Variants in NIPAL4 observed in about 807,000 individuals in gnomAD.
NIPAL4 encodes the protein NIPA like domain containing 4, also known as magnesium transporter NIPA4.
In NIPAL4, 21 loss-of-function variants were observed where a neutral mutation model predicts 31.6. The ratio of observed to expected loss-of-function variants is 0.67; its 90% CI spans 0.47 to 0.96. The LOEUF (loss-of-function observed/expected upper bound fraction) is 0.96. Among genes scored for constraint, NIPAL4 ranks in the 40% least tolerant of loss-of-function variants. The pLI, the probability that NIPAL4 is intolerant of heterozygous loss-of-function variation, is 0.00. For synonymous variants in NIPAL4, 175 were observed against 211.1 expected (o/e 0.83, Z 1.48); for missense variants, 438 against 508.0 (o/e 0.86, Z 1.32).
chr5:157,460,615 G>A (rs1238608099), intron 1 of NIPAL4: 4 of 652,508 alleles, frequency 6.1e-6, no homozygotes, highest in East Asian at 6.2e-5. Context: ...GGTTAGTGGG[G>A]GGCAGGCATT....
rs375377262 is a variant in NIPAL4, at chr5:157,472,896, A to G, written c.1151A>G (p.Asn384Ser). Residue 384 changes from asparagine (N) to serine (S), a missense_variant, in exon 6 of 6, where the codon AAT becomes AGT. By Grantham distance (46) the Asn-to-Ser change is conservative (BLOSUM62 1). Transcript: ENST00000311946. ...RLEDKNVLVD[N>S]IELASTSSPE... ...GAAGACAAGAACGTCCTTGTGGACA[A>G]TATAGAACTTGCCAGCACCTCATCA... 1 of 1,540,588 alleles carries G rather than the reference A, an allele frequency of 6.5e-7. No homozygotes were observed. The highest frequency in any genetic ancestry group is 1.4e-5 in the African/African-American group (1 of 72,740).
chr5:157,472,510 G>T lies in NIPAL4; in HGVS notation c.765G>T (p.Gly255=). The T allele has an allele frequency of 6.2e-7, 1 of 1,613,870 alleles. No individual in the cohort carries two copies. Among genetic ancestry groups the T allele is most frequent in the Non-Finnish European group, 8.5e-7 (1 of 1,179,870 alleles). ...TCACCATCAAGAACTTCTTCCAGGG[G>T]CTGCCAGTTGTCCGGCACCCGCTCC... ...LGITIKNFFQ[G]LPVVRHPLPY... The change falls in exon 6 of 6, where the codon GGG becomes GGT. Residue 255 remains glycine (G), a synonymous_variant. Coordinates refer to ENST00000311946, the MANE Select transcript of NIPAL4 (RefSeq NM_001099287.2).
intron 4 of NIPAL4, among the ~76,000 whole-genome samples, chr5:157,470,885 A>C (rs879492732): frequency 1.2e-4 from 18 of 152,222 alleles, no homozygotes; most frequent in Admixed American, 1.2e-3. Context: ...TCCATTGGGA[A>C]GGCAGTTAGA....
At position 157,472,619 on chromosome 5, in the gene NIPAL4, TC is replaced by T; in HGVS notation, c.877del (p.Leu293TrpfsTer93). On this transcript the variant is annotated frameshift_variant, in exon 6 of 6. Transcript: ENST00000311946. LOFTEE classifies it high-confidence loss of function. ...CAGAGCACTGGACATTTTCAACACTTCCCTGGTGTTCCCCATCTACTACGTG... is the reference window on the plus strand; with the variant it reads ...CAGAGCACTGGACATTTTCAACACTTCCTGGTGTTCCCCATCTACTACGTG... ...LNRALDIFNTSLVFPIYYVFF... is the reference protein window; with the variant it reads ...LNRALDIFNTXLVFPIYYVFF... The T allele has an allele frequency of 2.5e-6, 4 of 1,613,822 alleles. No homozygotes were observed. The highest frequency in any genetic ancestry group is 1.1e-5 in the South Asian group (1 of 91,058).
Position 157,473,405 on chromosome 5 carries a change from T to C in NIPAL4, c.*445T>C, listed in dbSNP as rs530832561. The C allele has an allele frequency of 1.3e-4, 20 of 156,260 alleles. No homozygotes were observed. The East Asian group carries it at 3.6e-3, about 28-fold the overall frequency. 9.7% of individuals were successfully genotyped at this position (156,260 alleles called of 1,614,324 possible). ...GTTGTTTTCTAGCCCAAGGATGACA[T>C]AGAGCTGGCTCCCAGAGGCCCACAG... On this transcript the variant is annotated 3_prime_UTR_variant, in exon 6 of 6. Coordinates refer to ENST00000311946, the MANE Select transcript of NIPAL4 (RefSeq NM_001099287.2).
Position 157,460,304 on chromosome 5 carries a change from C to A in NIPAL4, c.-17C>A, listed in dbSNP as rs891726002. ...GGCGCCGTCCGCCCGCGCGTCGGTT[C>A]GTGTGCCCCGGGCCCCATGGAGCTG... On this transcript the variant is annotated 5_prime_UTR_variant, in exon 1 of 6. Coordinates refer to ENST00000311946, the MANE Select transcript of NIPAL4 (RefSeq NM_001099287.2). 2 of 1,546,796 alleles carry A rather than the reference C, an allele frequency of 1.3e-6. No homozygotes were observed. The highest frequency in any genetic ancestry group is 2.4e-5 in the South Asian group (2 of 83,940).
rs1468514312 is a variant in NIPAL4 at position 157,474,029 on chromosome 5, A to AG, written c.*1070dup. The stretch of plus-strand genomic sequence containing the variant: ...CTCATCTGGGAACTTAGGAGAAACG[A>AG]GCTCAGGGGTAATTTCTGGGTTGCA... On this transcript the variant is annotated 3_prime_UTR_variant, in exon 6 of 6. Coordinates refer to ENST00000311946, the MANE Select transcript of NIPAL4 (RefSeq NM_001099287.2). 10 of 152,360 alleles carry AG rather than the reference A, an allele frequency of 6.6e-5. No individual in the cohort carries two copies. The highest frequency in any genetic ancestry group is 1.3e-4 in the Non-Finnish European group (9 of 68,068). 9.4% of individuals were successfully genotyped at this position (152,360 alleles called of 1,614,324 possible). A position where few individuals can be genotyped will look rare whatever the true frequency, so the allele number is the denominator to read the frequency against.
chr5:157,472,657 G>A lies in NIPAL4; in HGVS notation c.912G>A (p.Thr304=), dbSNP rs184687906. Residue 304 remains threonine, a synonymous_variant, in exon 6 of 6, where the codon ACG becomes ACA. Transcript: ENST00000311946. ...CCATCTACTACGTGTTCTTCACCAC[G>A]GTGGTCGTTACCTCGTCCATCATCC... is the stretch of plus-strand genomic sequence containing the variant. ...VFPIYYVFFT[T]VVVTSSIILF... The A allele has an allele frequency of 2.0e-5, 32 of 1,613,874 alleles. No individual in the cohort carries two copies. The highest frequency in any genetic ancestry group is 1.9e-4 in the African/African-American group (14 of 74,984).
intron 2 of NIPAL4, among the ~76,000 whole-genome samples, chr5:157,465,387 G>T (rs1754243330): frequency 6.6e-6 from 1 of 152,114 alleles, no homozygotes; most frequent in African/African-American, 2.4e-5. Context: ...AACATTTATG[G>T]GAAATTCTGA....
intron 2 of NIPAL4, among the ~76,000 whole-genome samples, chr5:157,464,430 C>G (rs894710829): frequency 6.6e-6 from 1 of 152,120 alleles, no homozygotes; most frequent in African/African-American, 2.4e-5. Flanking sequence ...GAAAAGATCC[C>G]TGGTTGCTGG....
At chr5:157,471,067 G>A (rs1754417080) in intron 4 of NIPAL4, among the ~76,000 whole-genome samples, 1 of 152,250 alleles carries the variant, frequency 6.6e-6, no homozygotes, top group Admixed American at 6.5e-5. Context: ...ACTGGGGGCA[G>A]TGGGAAGCAC....
In NIPAL4 at chr5:157,472,369, C is replaced by G. The variant is rs1442348171; in HGVS notation, c.624C>G (p.Cys208Trp). The G allele has an allele frequency of 6.2e-7, 1 of 1,609,732 alleles. No individual in the cohort carries two copies. The highest frequency in any genetic ancestry group is 1.1e-5 in the South Asian group (1 of 91,026). ...TTGCTGTGCTTCTGCTGGTGTCATG[C>G]CTCATCCTCATCTTTGTCATTGCCC... ...IVFAVLLLVSCLILIFVIAPR... is the reference protein window; with the variant it reads ...IVFAVLLLVSWLILIFVIAPR... Residue 208 changes from cysteine to tryptophan, a missense_variant, in exon 6 of 6, where the codon TGC becomes TGG. Physicochemically the swap from Cys to Trp is radical, Grantham distance 215. Coordinates refer to ENST00000311946, the MANE Select transcript of NIPAL4 (RefSeq NM_001099287.2).
chr5:157,467,393 T>C, intron 3 of NIPAL4: 1 of 372,294 alleles, frequency 2.7e-6, no homozygotes, highest in Non-Finnish European at 5.2e-6. Context: ...TCACTGCCTG[T>C]TGGTAGTGGA....
rs1046131279 is a variant in NIPAL4 at position 157,462,930 on chromosome 5, C to T, written c.38-164C>T. Among the ~76,000 whole-genome samples, 5 of 152,186 alleles carry T rather than the reference C, an allele frequency of 3.3e-5. No individual in the cohort carries two copies. In the South Asian group the frequency reaches 8.3e-4, roughly 25 times the overall value. On this transcript the variant is annotated intron_variant, in intron 1 of 5. Transcript: ENST00000311946. ...TCATGCAAAGAAAGCCCCTAACTAG[C>T]GTAAGCACTCACTGAACATAATTAT...
At chr5:157,462,523 C>T (rs1275224516) in intron 1 of NIPAL4, among the ~76,000 whole-genome samples, 1 of 152,124 alleles carries the variant, frequency 6.6e-6, no homozygotes, top group Non-Finnish European at 1.5e-5. Flanking sequence ...AACAAAAAGC[C>T]TCTTAGGAGG....
intron 2 of NIPAL4, among the ~76,000 whole-genome samples, chr5:157,466,635 A>G (rs1754282205): frequency 6.6e-6 from 1 of 152,138 alleles, no homozygotes; most frequent in Non-Finnish European, 1.5e-5. Flanking sequence ...CTGGATGCAG[A>G]AGGAGGGAGA....
intron 2 of NIPAL4, among the ~76,000 whole-genome samples, chr5:157,464,034 C>T (rs944065424): frequency 1.3e-5 from 2 of 151,948 alleles, no homozygotes; most frequent in African/African-American, 4.8e-5. Flanking sequence ...TGTTAAGTGC[C>T]ATCATGGGGA....
chr5:157,472,543 C>T lies in NIPAL4; in HGVS notation c.798C>T (p.Ile266=). 1 of 1,613,972 alleles carries T rather than the reference C, an allele frequency of 6.2e-7. No individual in the cohort carries two copies. The highest frequency in any genetic ancestry group is 1.1e-5 in the South Asian group (1 of 91,068). The change falls in exon 6 of 6, where the codon ATC becomes ATT. Residue 266 remains isoleucine, a synonymous_variant. Coordinates refer to ENST00000311946, the MANE Select transcript of NIPAL4 (RefSeq NM_001099287.2). ...LPVVRHPLPY[I]LSLILALSLS... ...TTGTCCGGCACCCGCTCCCCTACAT[C>T]CTGTCCCTCATCCTGGCACTGTCCC... is the stretch of plus-strand genomic sequence containing the variant.
chr5:157,468,820 T>C lies in NIPAL4; in HGVS notation c.425+8T>C, dbSNP rs1328350322. The C allele has an allele frequency of 3.2e-6, 5 of 1,572,168 alleles. No homozygotes were observed. Among genetic ancestry groups the C allele is most frequent in the Admixed American group, 1.7e-5 (1 of 57,598 alleles). ...GCTGAGTGTCCTCATAAGGTTATTG[T>C]CCCCTCTCTAGCTCTCTCTTTTTCT... On this transcript the variant is annotated splice_region_variant and intron_variant, in intron 4 of 5. Coordinates refer to ENST00000311946, the MANE Select transcript of NIPAL4 (RefSeq NM_001099287.2).
Sources: gnomAD v4.1 joint callset for allele counts (sites outside exome capture counted in the v4.1 genomes callset) on GRCh38, gnomAD v4.1.1 for gene constraint, MANE v1.5 for transcripts, NCBI Gene and HGNC (gene_info 2026-07-23, HGNC 2026-07-21) for gene names.